Variants in TAFA2 observed in about 807,000 individuals in gnomAD.
The protein encoded by TAFA2 is TAFA chemokine like family member 2.
In TAFA2, 7 loss-of-function variants were observed where a neutral mutation model predicts 18.8. The ratio of observed to expected loss-of-function variants is 0.37; its 90% CI spans 0.21 to 0.70. TAFA2 has a LOEUF of 0.70. Ranked by LOEUF, TAFA2 falls within the 30% of genes least tolerant of loss-of-function variation. The pLI is 0.53. For missense variants in TAFA2, 122 were observed against 158.1 expected, an observed-to-expected ratio of 0.77 and a Z score of 1.23; for synonymous variants, 60 against 54.2, an observed-to-expected ratio of 1.11 and a Z score of -0.47.
intron 1 of TAFA2, among the ~76,000 whole-genome samples, chr12:61,967,367 C>G (rs1202231225): frequency 6.6e-6 from 1 of 151,714 alleles, no homozygotes; most frequent in African/African-American, 2.4e-5. Flanking sequence ...TATAGCAGAG[C>G]AAGGTCAAAG....
At chr12:62,067,092 G>C (rs1882509302) in intron 1 of TAFA2, among the ~76,000 whole-genome samples, 1 of 152,082 alleles carries the variant, frequency 6.6e-6, no homozygotes, top group South Asian at 2.1e-4. Flanking sequence ...TCATATGCCT[G>C]TTTGCCATTT....
At chr12:61,825,297 T>C (rs1326534778) in intron 2 of TAFA2, among the ~76,000 whole-genome samples, 2 of 152,090 alleles carry the variant, frequency 1.3e-5, no homozygotes, top group Non-Finnish European at 2.9e-5. Flanking sequence ...CAGCAACTGA[T>C]TGTGTGAGAC....
chr12:62,096,081 C>A (rs575303611), intron 1 of TAFA2, among the ~76,000 whole-genome samples: 1 of 152,220 alleles, frequency 6.6e-6, no homozygotes, highest in South Asian at 2.1e-4. Context: ...ATAAAGCCAG[C>A]ATCCCATATT....
chr12:61,990,488 C>T (rs919514359), intron 1 of TAFA2, among the ~76,000 whole-genome samples: 4 of 151,736 alleles, frequency 2.6e-5, no homozygotes, highest in East Asian at 1.9e-4. Context: ...TACAGGTGCC[C>T]GCCACCACGT....
chr12:61,959,786 C>T (rs148801827), intron 1 of TAFA2, among the ~76,000 whole-genome samples: 171 of 152,172 alleles, frequency 1.1e-3, no homozygotes, highest in African/African-American at 3.8e-3. Flanking sequence ...CTGAACTAGA[C>T]ATATCTTTAT....
chr12:61,834,319 G>A (rs1457644062), intron 2 of TAFA2, among the ~76,000 whole-genome samples: 1 of 152,072 alleles, frequency 6.6e-6, no homozygotes, highest in East Asian at 1.9e-4. Context: ...CAGGAAGTCA[G>A]AAAGATCAAT....
intron 1 of TAFA2, among the ~76,000 whole-genome samples, chr12:61,980,456 A>G (rs960348578): frequency 6.6e-6 from 1 of 152,202 alleles, no homozygotes; most frequent in Non-Finnish European, 1.5e-5. Context: ...AGTTCTGGCT[A>G]GGGAAATCAG....
chr12:61,937,781 G>A (rs1408962622), intron 1 of TAFA2, among the ~76,000 whole-genome samples: 2 of 151,988 alleles, frequency 1.3e-5, no homozygotes, highest in Non-Finnish European at 2.9e-5. Flanking sequence ...AAAAGCAAAT[G>A]TAACAAAAAC....
intron 1 of TAFA2, among the ~76,000 whole-genome samples, chr12:62,164,117 C>T (rs1054664532): frequency 6.6e-6 from 1 of 152,098 alleles, no homozygotes; most frequent in African/African-American, 2.4e-5. Context: ...TTCACAAGTA[C>T]GATTCAAAGA....
At chr12:62,186,326 T>C (rs1488279529) in intron 1 of TAFA2, among the ~76,000 whole-genome samples, 3 of 152,046 alleles carry the variant, frequency 2.0e-5, no homozygotes, top group African/African-American at 7.2e-5. Context: ...AATATATATA[T>C]ATTTATTTAT....
At chr12:61,807,656 T>C (rs1871677775) in intron 2 of TAFA2, among the ~76,000 whole-genome samples, 1 of 151,380 alleles carries the variant, frequency 6.6e-6, no homozygotes. Context: ...GGAAGGAGGC[T>C]GTACCTTGCA....
At chr12:61,966,741 T>C (rs1013069969) in intron 1 of TAFA2, among the ~76,000 whole-genome samples, 1 of 151,924 alleles carries the variant, frequency 6.6e-6, no homozygotes, top group East Asian at 1.9e-4. Flanking sequence ...CATTACATGA[T>C]GTAATTCCAT....
At chr12:62,168,892 C>T (rs142186943) in intron 1 of TAFA2, among the ~76,000 whole-genome samples, 2 of 151,940 alleles carry the variant, frequency 1.3e-5, no homozygotes, top group African/African-American at 2.4e-5. Context: ...GTATGGACCT[C>T]TTTTGGACCC....
intron 1 of TAFA2, among the ~76,000 whole-genome samples, chr12:62,144,626 T>C (rs994633889): frequency 1.4e-4 from 22 of 152,312 alleles, no homozygotes; most frequent in African/African-American, 5.1e-4. Flanking sequence ...TTCTTTTTTG[T>C]CTTAATAAAA....
At chr12:62,037,943 A>C (rs1461903715) in intron 1 of TAFA2, among the ~76,000 whole-genome samples, 1 of 152,242 alleles carries the variant, frequency 6.6e-6, no homozygotes, top group Admixed American at 6.5e-5. Context: ...TAGAAAAATA[A>C]GTAAAAACAT....
chr12:61,740,831 G>A (rs1430296621), intron 4 of TAFA2, among the ~76,000 whole-genome samples: 1 of 148,718 alleles, frequency 6.7e-6, no homozygotes, highest in Admixed American at 6.8e-5. Context: ...ATAAATCATG[G>A]GAAGCCAACA....
intron 1 of TAFA2, among the ~76,000 whole-genome samples, chr12:62,186,649 T>C (rs898571783): frequency 6.6e-6 from 1 of 152,300 alleles, no homozygotes; most frequent in South Asian, 2.1e-4. Context: ...TAACTAGCCA[T>C]TCAGGGGAAA....
intron 1 of TAFA2, among the ~76,000 whole-genome samples, chr12:61,931,668 A>G (rs1436136888): frequency 6.6e-6 from 1 of 152,232 alleles, no homozygotes; most frequent in Admixed American, 6.5e-5. Flanking sequence ...TGGAAGGTAC[A>G]GTTTAACTCT....
intron 1 of TAFA2, among the ~76,000 whole-genome samples, chr12:62,185,090 T>G (rs1229545749): frequency 6.6e-6 from 1 of 152,168 alleles, no homozygotes; most frequent in African/African-American, 2.4e-5. Flanking sequence ...CTGACCCAAT[T>G]CTGAATGTAT....
Sources: gnomAD v4.1 joint callset for allele counts (sites outside exome capture counted in the v4.1 genomes callset) on GRCh38, gnomAD v4.1.1 for gene constraint, MANE v1.5 for transcripts, NCBI Gene and HGNC (gene_info 2026-07-23, HGNC 2026-07-21) for gene names.